ITGA11: variants seen among roughly 807,000 people sequenced by gnomAD.
The protein encoded by ITGA11 is integrin subunit alpha 11.
Under a neutral mutation model 141.9 loss-of-function variants are expected in ITGA11, and 97 were observed. The ratio of observed to expected loss-of-function variants is 0.68; its 90% confidence interval spans 0.58 to 0.81. The LOEUF (loss-of-function observed/expected upper bound fraction) is 0.81. Among genes scored for constraint, ITGA11 ranks in the 30% least tolerant of loss-of-function variants. The pLI is 0.00. For missense variants in ITGA11, 1,387 were observed against 1,559.2 expected (o/e 0.89, Z 1.86); for synonymous variants, 658 against 624.6 (o/e 1.05, Z -0.80).
intron 2 of ITGA11, among the ~76,000 whole-genome samples, chr15:68,398,602 AAATAT>A (rs201426816): frequency 0.38 from 56,109 of 147,390 alleles, 11,507 homozygotes; most frequent in East Asian, 0.55. Context: ...AATATAATAT[AAATAT>A]AAGTATAAAT....
intron 7 of ITGA11, among the ~76,000 whole-genome samples, chr15:68,351,856 G>A (rs939176109): frequency 6.6e-6 from 1 of 152,120 alleles, no homozygotes; most frequent in African/African-American, 2.4e-5. Context: ...CCGAAGGCGG[G>A]CAGATCAACT....
rs977903335 is a variant in ITGA11, at chr15:68,311,457, C to G, written c.2974-54G>C. 2.3e-6 allele frequency: 3 copies of G among 1,314,796 alleles called. No homozygotes were observed. The African/African-American group carries it at 4.4e-5, about 19-fold the overall frequency. The allele number at this position is 1,314,796 out of a possible 1,614,324, so 81.4% of individuals were successfully genotyped here. ...ACAGTCAGTTGAGGGGGGTGGAAAA[C>G]AAGGTCCACAGGGGCCAACCAGCCC... is the stretch of plus-strand genomic sequence containing the variant. On this transcript the variant is annotated intron_variant, in intron 24 of 29. Transcript: ENST00000315757.
At position 68,328,133 on chromosome 15, in the gene ITGA11, G is replaced by T. The variant is rs1479249576; in HGVS notation, c.2031C>A (p.Pro677=). 6.2e-7 allele frequency: 1 copy of T among 1,613,782 alleles called. No individual in the cohort carries two copies. The highest frequency in any genetic ancestry group is 1.7e-5 in the Admixed American group (1 of 60,008). The change falls in exon 16 of 30, where the codon CCC becomes CCA. Residue 677 remains proline (P), a synonymous_variant. Coordinates refer to ENST00000315757, the MANE Select transcript of ITGA11 (RefSeq NM_001004439.2). The surrounding 1 kb of genome is among the most constrained non-coding windows in gnomAD (Gnocchi z 4.8). ...TCLAAFLCFT[P]IFLAPHFQTT... ...TTTGGAAATGGGGTGCCAGGAAGAT[G>T]GGCGTGAAGCAGAGGAAGGCGGCCA...
At position 68,392,279 on chromosome 15, in the gene ITGA11, C is replaced by T. The variant is rs572780335; in HGVS notation, c.164+10639G>A. On this transcript the variant is annotated intron_variant, in intron 2 of 29. Coordinates refer to ENST00000315757, the MANE Select transcript of ITGA11 (RefSeq NM_001004439.2). ...TAGCCATAAACAACTATGTAAACAG[C>T]ACAAAATATCTAAAACAACTATTTT... Among the ~76,000 whole-genome samples, 20 of 152,272 alleles carry T rather than the reference C, an allele frequency of 1.3e-4. No individual in the cohort carries two copies. In the South Asian group the frequency reaches 3.7e-3, roughly 28 times the overall value.
intron 3 of ITGA11, chr15:68,365,082 C>T: frequency 3.2e-6 from 3 of 933,578 alleles, no homozygotes; most frequent in Non-Finnish European, 3.8e-6. Flanking sequence ...AGCTTTTCCT[C>T]CTCCAGCCAT....
Position 68,335,486 on chromosome 15 carries a change from A to AG in ITGA11, c.1425+210dup, listed in dbSNP as rs1292087888. 6.6e-6 allele frequency among the ~76,000 whole-genome samples: 1 copy of AG among 152,156 alleles called. No individual in the cohort carries two copies. The highest frequency in any genetic ancestry group is 1.5e-5 in the Non-Finnish European group (1 of 68,014). On this transcript the variant is annotated intron_variant, in intron 12 of 29. Coordinates refer to ENST00000315757, the MANE Select transcript of ITGA11 (RefSeq NM_001004439.2). This position sits in a 1 kb window ranked among gnomAD's most constrained non-coding sequence, Gnocchi z 4.9. ...TCCTCATTGCTTCCATTCCAGGAAA[A>AG]GGGAAGCAGCTGGCATCCTGGAGGG...
intron 9 of ITGA11, among the ~76,000 whole-genome samples, chr15:68,349,224 T>C (rs938074989): frequency 6.6e-6 from 1 of 152,194 alleles, no homozygotes; most frequent in Non-Finnish European, 1.5e-5. Flanking sequence ...GGAGGGAAAG[T>C]AAGCAAAAGT....
rs185899900 is a variant in ITGA11, at chr15:68,328,400, C to A, written c.1902-138G>T. 6.1e-5 allele frequency: 29 copies of A among 477,658 alleles called. No individual in the cohort carries two copies. The highest frequency in any genetic ancestry group is 4.1e-4 in the South Asian group (6 of 14,486). The allele number at this position is 477,658 out of a possible 1,614,324, so 29.6% of individuals were successfully genotyped here. ...GGGGTGAGGTGGAGGATGGAGGGGG[C>A]GAGGTGGAGGATGGAGGGGGCTTCG... On this transcript the variant is annotated intron_variant, in intron 15 of 29. Coordinates refer to ENST00000315757, the MANE Select transcript of ITGA11 (RefSeq NM_001004439.2). This position sits in a 1 kb window ranked among gnomAD's most constrained non-coding sequence, Gnocchi z 4.8.
rs928414610 is a variant in ITGA11, at chr15:68,324,075, T to G, written c.2322+1056A>C. On this transcript the variant is annotated intron_variant, in intron 18 of 29. Coordinates refer to ENST00000315757, the MANE Select transcript of ITGA11 (RefSeq NM_001004439.2). This position sits in a 1 kb window ranked among gnomAD's most constrained non-coding sequence, Gnocchi z 6.3. ...TGACTTAGTGCGCCCAGCTTTCCCC[T>G]TCTCCCGGCTCACTAACGATGAATC... 6.6e-6 allele frequency among the ~76,000 whole-genome samples: 1 copy of G among 152,136 alleles called. No individual in the cohort carries two copies. The highest frequency in any genetic ancestry group is 1.5e-5 in the Non-Finnish European group (1 of 68,020).
intron 13 of ITGA11, 128 bp downstream of exon 13, chr15:68,332,210 G>A: frequency 7.8e-7 from 1 of 1,278,910 alleles, no homozygotes; most frequent in Non-Finnish European, 1.1e-6. Flanking sequence ...CCACAGAGGA[G>A]GCTCTGATTC....
At chr15:68,397,556 AT>A (rs1896337426) in intron 2 of ITGA11, among the ~76,000 whole-genome samples, 1 of 18,576 alleles carries the variant, frequency 5.4e-5, no homozygotes, top group Non-Finnish European at 8.4e-5. Context: ...TATTTAAAAT[AT>A]TATAAAATAT....
rs904126969 is a variant in ITGA11 at position 68,369,287 on chromosome 15, G to A, written c.165-3C>T. 2 of 1,603,810 alleles carry A rather than the reference G, an allele frequency of 1.2e-6. No individual in the cohort carries two copies. The highest frequency in any genetic ancestry group is 1.7e-6 in the Non-Finnish European group (2 of 1,173,068). The stretch of plus-strand genomic sequence containing the variant: ...CCAGTGGGGCGCCCACGACCAGCCT[G>A]GGAAGGAAGAGAAGATGAGCAAAGA... On this transcript the variant is annotated splice_region_variant and splice_polypyrimidine_tract_variant and intron_variant, in intron 2 of 29. Coordinates refer to ENST00000315757, the MANE Select transcript of ITGA11 (RefSeq NM_001004439.2).
intron 2 of ITGA11, among the ~76,000 whole-genome samples, chr15:68,382,057 A>T (rs1366172408): frequency 6.6e-6 from 1 of 152,180 alleles, no homozygotes; most frequent in African/African-American, 2.4e-5. Flanking sequence ...ACTGCTTCGA[A>T]GTCTTTTCTG....
Position 68,328,007 on chromosome 15 carries a change from T to G in ITGA11, c.2068+89A>C. Reference sequence around the variant, plus strand: ...TGGGCGACCTGGCACTTAGCACCCATTTTGGGAAAAGCCCAGGCTTTGAAA... The same window carrying G: ...TGGGCGACCTGGCACTTAGCACCCAGTTTGGGAAAAGCCCAGGCTTTGAAA... On this transcript the variant is annotated intron_variant, in intron 16 of 29. Transcript: ENST00000315757. This position sits in a 1 kb window ranked among gnomAD's most constrained non-coding sequence, Gnocchi z 4.8. 2 of 1,341,348 alleles carry G rather than the reference T, an allele frequency of 1.5e-6. No homozygotes were observed. Among genetic ancestry groups the G allele is most frequent in the Non-Finnish European group, 2.0e-6 (2 of 990,332 alleles). 83.1% of individuals were successfully genotyped at this position (1,341,348 alleles called of 1,614,324 possible).
chr15:68,369,794 G>C (rs73431860), intron 2 of ITGA11, among the ~76,000 whole-genome samples: 12,350 of 152,226 alleles, frequency 0.081, 773 homozygotes, highest in African/African-American at 0.17. Context: ...GGACAAGGCA[G>C]CCAGTGGGCG....
At chr15:68,369,101 C>A in intron 3 of ITGA11, 83 bp downstream of exon 3, 3 of 935,912 alleles carry the variant, frequency 3.2e-6, no homozygotes, top group Non-Finnish European at 5.2e-6. Context: ...TCAGTGTGAC[C>A]ATGGACATGG....
At position 68,312,802 on chromosome 15, in the gene ITGA11, T is replaced by C; in HGVS notation, c.2944A>G (p.Ile982Val). ...AAGATGCAGCTGAAGGGAGGCCCGATACCATCGTATCTCTCCAGCGAGCTG... is the reference window on the plus strand; with the variant it reads ...AAGATGCAGCTGAAGGGAGGCCCGACACCATCGTATCTCTCCAGCGAGCTG... ...PNSSLERYDGIGPPFSCIFRI... is the reference protein window; with the variant it reads ...PNSSLERYDGVGPPFSCIFRI... Residue 982 changes from isoleucine to valine, a missense_variant, in exon 24 of 30, where the codon ATC (isoleucine) becomes GTC (valine). Transcript: ENST00000315757. The C allele has an allele frequency of 1.2e-6, 2 of 1,613,680 alleles. No homozygotes were observed. The highest frequency in any genetic ancestry group is 1.7e-6 in the Non-Finnish European group (2 of 1,179,678).
At chr15:68,314,886 G>A (rs1488781508) in intron 22 of ITGA11, among the ~76,000 whole-genome samples, 1 of 152,178 alleles carries the variant, frequency 6.6e-6, no homozygotes, top group African/African-American at 2.4e-5. Flanking sequence ...TTTGCCTGGG[G>A]TATTTATTTC....
At chr15:68,332,852 A>T (rs1169907236) in intron 12 of ITGA11, among the ~76,000 whole-genome samples, 2 of 148,576 alleles carry the variant, frequency 1.3e-5, no homozygotes, top group Admixed American at 1.3e-4. Flanking sequence ...GTTTTAGTGG[A>T]TTTTATTCTA....
Sources: allele counts gnomAD v4.1 joint callset (sites outside exome capture counted in the v4.1 genomes callset), GRCh38; gene constraint gnomAD v4.1.1; non-coding constraint Gnocchi (gnomAD v3.1); transcripts MANE v1.5; gene names NCBI Gene and HGNC (gene_info 2026-07-23, HGNC 2026-07-21).